Variants in TSEN2 observed in about 807,000 individuals in gnomAD.
The protein encoded by TSEN2 is tRNA splicing endonuclease subunit 2, also known as tRNA-splicing endonuclease subunit Sen2.
TSEN2 carries 54 observed loss-of-function variants against 59.2 expected under a neutral mutation model. The ratio of observed to expected loss-of-function variants is 0.91; its 90% CI spans 0.73 to 1.14. The LOEUF is 1.14. Ranked by LOEUF, TSEN2 falls within the 50% of genes most tolerant of loss-of-function variation. TSEN2 has a pLI of 0.00. For missense variants in TSEN2, 636 were observed against 576.2 expected (o/e 1.10, Z -1.06); for synonymous variants, 195 against 198.2 (o/e 0.98, Z 0.14).
upstream of TSEN2, chr3:12,484,333 A>T (rs1559258614): frequency 6.6e-6 from 1 of 152,342 alleles, no homozygotes; most frequent in Non-Finnish European, 1.5e-5. Context: ...CATACTCCGC[A>T]GTGGCAGAGC....
chr3:12,528,650 G>T (rs2057262491), intron 8 of TSEN2, among the ~76,000 whole-genome samples: 1 of 152,168 alleles, frequency 6.6e-6, no homozygotes, highest in African/African-American at 2.4e-5. Context: ...AGCCCAAGAG[G>T]GCAAGTCTGC....
In TSEN2 at chr3:12,492,366, TC is replaced by T. The variant is rs2053300808; in HGVS notation, c.271+150del. The T allele has an allele frequency of 8.9e-6, 6 of 677,600 alleles. No homozygotes were observed. The Admixed American group carries it at 1.5e-4, about 17-fold the overall frequency. The allele number at this position is 677,600 out of a possible 1,614,324, so 42.0% of individuals were successfully genotyped here. Reference sequence around the variant, plus strand: ...CCAAAGTTAGCTAGAATAATTCTAATCAAAGCAAAAGGGTTATGATTGGGTG... The same window carrying T: ...CCAAAGTTAGCTAGAATAATTCTAATAAAGCAAAAGGGTTATGATTGGGTG... On this transcript the variant is annotated intron_variant, in intron 3 of 11. Coordinates refer to ENST00000284995, the MANE Select transcript of TSEN2 (RefSeq NM_025265.4).
rs757172883 is a variant in TSEN2, at chr3:12,503,701, G to A, written c.748G>A (p.Asp250Asn). 166 of 1,613,448 alleles carry A rather than the reference G, an allele frequency of 1.0e-4. No homozygotes were observed. The highest frequency in any genetic ancestry group is 1.7e-4 in the Admixed American group (10 of 59,896). ...GCACATCGGCCTCCTGCATCCTGGG[G>A]ACAGAGGGCCTGACCATGAGTACGT... is the stretch of plus-strand genomic sequence containing the variant. ...SQHIGLLHPG[D>N]RGPDHEYVLV... Residue 250 changes from aspartate to asparagine, a missense_variant, in exon 5 of 12, where the codon GAC becomes AAC. Asp to Asn is a conservative substitution (Grantham distance 23, BLOSUM62 1). Coordinates refer to ENST00000284995, the MANE Select transcript of TSEN2 (RefSeq NM_025265.4).
chr3:12,488,188 G>C (rs1320829876), intron 1 of TSEN2, among the ~76,000 whole-genome samples: 1 of 152,152 alleles, frequency 6.6e-6, no homozygotes, highest in Non-Finnish European at 1.5e-5. Context: ...CCACCTTCTT[G>C]ACTGTTTCAG....
rs10663207 is a variant in TSEN2, at chr3:12,517,357, C to CAA, written c.960+709_960+710dup. 4.8e-4 allele frequency among the ~76,000 whole-genome samples: 39 copies of CAA among 81,492 alleles called. 1 individual carries two copies. Among genetic ancestry groups the CAA allele is most frequent in the African/African-American group, 2.5e-3 (33 of 13,334 alleles). 53.5% of individuals were successfully genotyped at this position (81,492 alleles called of 152,430 possible). A position where few individuals can be genotyped will look rare whatever the true frequency, so the allele number is the denominator to read the frequency against. On this transcript the variant is annotated intron_variant, in intron 7 of 11. Coordinates refer to ENST00000284995, the MANE Select transcript of TSEN2 (RefSeq NM_025265.4). ...TGGGCGACAGACCGAGACTCTGTCT[C>CAA]AAAAAAAAAAAAAAGAATTTGCAGA...
chr3:12,510,446 C>T (rs2055317298), intron 6 of TSEN2, among the ~76,000 whole-genome samples: 1 of 152,154 alleles, frequency 6.6e-6, no homozygotes. Context: ...TTTTAAAGTG[C>T]GTGAGAAAAT....
chr3:12,482,927 C>T (rs1429574677), upstream of TSEN2, among the ~76,000 whole-genome samples: 2 of 152,210 alleles, frequency 1.3e-5, no homozygotes, highest in African/African-American at 4.8e-5. Flanking sequence ...AATTTTCTCC[C>T]TTTCTTTTGC....
At chr3:12,494,640 A>T (rs1157629054) in intron 3 of TSEN2, among the ~76,000 whole-genome samples, 1 of 151,756 alleles carries the variant, frequency 6.6e-6, no homozygotes, top group Non-Finnish European at 1.5e-5. Flanking sequence ...ACCTCAAGTG[A>T]TCTGCCTGCC....
chr3:12,526,526 TTG>T, intron 8 of TSEN2, among the ~76,000 whole-genome samples: 1 of 152,202 alleles, frequency 6.6e-6, no homozygotes, highest in Non-Finnish European at 1.5e-5. Context: ...CATCTAGGTT[TTG>T]TGTAAGTACA....
intron 6 of TSEN2, among the ~76,000 whole-genome samples, chr3:12,510,071 C>A (rs763751769): frequency 6.6e-6 from 1 of 152,176 alleles, no homozygotes; most frequent in African/African-American, 2.4e-5. Flanking sequence ...GTATGACTTT[C>A]AATTAATTAT....
At chr3:12,504,193 TA>T (rs1279300087) in intron 5 of TSEN2, among the ~76,000 whole-genome samples, 3 of 152,164 alleles carry the variant, frequency 2.0e-5, no homozygotes, top group Admixed American at 2.0e-4. Flanking sequence ...CTGGAATTGC[TA>T]AAAATTAGAA....
At chr3:12,526,053 A>C (rs1038677486) in intron 8 of TSEN2, among the ~76,000 whole-genome samples, 8 of 151,952 alleles carry the variant, frequency 5.3e-5, no homozygotes, top group Non-Finnish European at 7.4e-5. Context: ...TTATTGAAGA[A>C]AGAGACCAGG....
chr3:12,538,651 C>G (rs979433939), downstream of TSEN2, among the ~76,000 whole-genome samples: 16 of 152,132 alleles, frequency 1.1e-4, no homozygotes, highest in African/African-American at 3.9e-4. Context: ...TGAAGTAGTA[C>G]ATCACATTTG....
chr3:12,513,688 G>A (rs1027266615), intron 6 of TSEN2, among the ~76,000 whole-genome samples: 2 of 152,144 alleles, frequency 1.3e-5, no homozygotes, highest in African/African-American at 4.8e-5. Flanking sequence ...TAAAATGCAA[G>A]GGACTCAGCC....
chr3:12,500,215 C>T (rs1026005381), intron 4 of TSEN2, among the ~76,000 whole-genome samples: 1 of 152,232 alleles, frequency 6.6e-6, no homozygotes, highest in African/African-American at 2.4e-5. Context: ...TTGATGGCAA[C>T]AGGACTTGGC....
At chr3:12,500,464 A>G (rs1235363343) in intron 4 of TSEN2, among the ~76,000 whole-genome samples, 2 of 152,236 alleles carry the variant, frequency 1.3e-5, no homozygotes, top group Non-Finnish European at 2.9e-5. Flanking sequence ...TAGAAGTGCT[A>G]AGTGGCTTAG....
intron 5 of TSEN2, among the ~76,000 whole-genome samples, chr3:12,504,559 A>G (rs1383234348): frequency 6.6e-6 from 1 of 152,206 alleles, no homozygotes; most frequent in Non-Finnish European, 1.5e-5. Context: ...AAACAAAAAC[A>G]TAGGCACATG....
intron 4 of TSEN2, 87 bp from the exon 5 acceptor site, chr3:12,503,175 G>A: frequency 4.0e-6 from 6 of 1,493,176 alleles, no homozygotes; most frequent in Non-Finnish European, 4.7e-6. Context: ...ATTTTGGTGT[G>A]TCACCTTCCA....
At chr3:12,483,592 T>C (rs2052300969), upstream of TSEN2, among the ~76,000 whole-genome samples, 1 of 152,164 alleles carries the variant, frequency 6.6e-6, no homozygotes, top group South Asian at 2.1e-4. Flanking sequence ...CGTGAAGGAA[T>C]GGAGGCAAGA....
Sources: gnomAD v4.1 joint callset for allele counts (sites outside exome capture counted in the v4.1 genomes callset) on GRCh38, gnomAD v4.1.1 for gene constraint, MANE v1.5 for transcripts, NCBI Gene and HGNC (gene_info 2026-07-23, HGNC 2026-07-21) for gene names.